YTHDC2: variants seen among roughly 807,000 people sequenced by gnomAD.
YTHDC2 encodes YTH N6-methyladenosine RNA binding protein C2.
In YTHDC2, 45 loss-of-function variants were observed where a neutral mutation model predicts 174.9. The ratio of observed to expected loss-of-function variants is 0.26; its 90% CI spans 0.20 to 0.33. YTHDC2 has a LOEUF of 0.33. Ranked by LOEUF, YTHDC2 falls within the 10% of genes least tolerant of loss-of-function variation. The pLI is 1.00. For synonymous variants in YTHDC2, 657 were observed against 574.5 expected, an observed-to-expected ratio of 1.14 and a Z score of -2.05; for missense variants, 1,650 against 1,723.7, an observed-to-expected ratio of 0.96 and a Z score of 0.76.
chr5:113,587,759 A>C (rs1399943343), intron 26 of YTHDC2, among the ~76,000 whole-genome samples: 2 of 151,238 alleles, frequency 1.3e-5, no homozygotes, highest in South Asian at 2.1e-4. Flanking sequence ...TTGTACTTTC[A>C]TATAAACTTT....
At chr5:113,581,391 G>C in intron 24 of YTHDC2, 26 bp from the exon 25 acceptor site, 2 of 1,540,272 alleles carry the variant, frequency 1.3e-6, no homozygotes, top group Non-Finnish European at 1.7e-6. Flanking sequence ...ATATTCATTT[G>C]CTTGTATCTA....
chr5:113,578,829 G>T (rs1580633767), intron 23 of YTHDC2, among the ~76,000 whole-genome samples: 1 of 152,008 alleles, frequency 6.6e-6, no homozygotes, highest in African/African-American at 2.4e-5. Flanking sequence ...AAATATATTT[G>T]TGTTCTTCTA....
chr5:113,567,354 T>A, intron 22 of YTHDC2, 57 bp downstream of exon 22: 1 of 1,395,324 alleles, frequency 7.2e-7, no homozygotes, highest in Non-Finnish European at 9.5e-7. Flanking sequence ...GGTAGTTCAC[T>A]ATCAATGAAA....
At chr5:113,514,296 G>A (rs748055053) in intron 1 of YTHDC2, 26 of 711,312 alleles carry the variant, frequency 3.7e-5, no homozygotes, top group Middle Eastern at 4.5e-4. Flanking sequence ...GATCAATGGG[G>A]TTATGGGCAC....
intron 2 of YTHDC2, 145 bp from the exon 3 acceptor site, chr5:113,524,836 A>T (rs879011221): frequency 8.5e-6 from 5 of 586,342 alleles, no homozygotes; most frequent in Middle Eastern, 4.8e-4. Flanking sequence ...TCTTTACTGA[A>T]TTTTTTTGGA....
rs74819718 is a variant in YTHDC2 at position 113,536,711 on chromosome 5, T to A, written c.1102+913T>A. 6.6e-3 allele frequency among the ~76,000 whole-genome samples: 998 copies of A among 152,308 alleles called. 7 individuals are homozygous for A. The highest frequency in any genetic ancestry group is 0.022 in the African/African-American group (931 of 41,568). On this transcript the variant is annotated intron_variant, in intron 7 of 29. Coordinates refer to ENST00000161863, the MANE Select transcript of YTHDC2 (RefSeq NM_022828.5). ...ATGTAAGAACACAAATGTATGCAAA[T>A]ATATACGTATTTATAACATTTACAA... is the stretch of plus-strand genomic sequence containing the variant.
chr5:113,552,179 GATATA>G (rs1169297548), intron 12 of YTHDC2, among the ~76,000 whole-genome samples: 3 of 152,036 alleles, frequency 2.0e-5, no homozygotes, highest in Non-Finnish European at 2.9e-5. Context: ...GTTTTATTGA[GATATA>G]ATTAATATAC....
At chr5:113,538,636 T>C (rs965790073) in intron 7 of YTHDC2, among the ~76,000 whole-genome samples, 1 of 152,178 alleles carries the variant, frequency 6.6e-6, no homozygotes, top group Non-Finnish European at 1.5e-5. Context: ...GATACTTTCT[T>C]GATGTTGTCA....
chr5:113,551,210 A>T (rs1776231802), intron 12 of YTHDC2, among the ~76,000 whole-genome samples: 1 of 152,040 alleles, frequency 6.6e-6, no homozygotes, highest in Non-Finnish European at 1.5e-5. Context: ...TAGCACCCAG[A>T]ACTTGCAGTC....
intron 17 of YTHDC2, 57 bp from the exon 18 acceptor site, chr5:113,561,023 A>G: frequency 7.2e-7 from 1 of 1,390,712 alleles, no homozygotes; most frequent in Non-Finnish European, 9.8e-7. Context: ...TTGCGTTTAC[A>G]GTTTATTGTA....
intron 24 of YTHDC2, 173 bp downstream of exon 24, chr5:113,579,868 C>G: frequency 2.0e-6 from 2 of 985,172 alleles, no homozygotes; most frequent in South Asian, 9.4e-5. Flanking sequence ...GGGGTTTATT[C>G]CAACAGAGGA....
chr5:113,571,984 G>A (rs1425125987), intron 23 of YTHDC2, among the ~76,000 whole-genome samples: 2 of 152,036 alleles, frequency 1.3e-5, no homozygotes, highest in East Asian at 3.9e-4. Flanking sequence ...CTTCTGCTCT[G>A]ATATTAGTTA....
At chr5:113,534,923 A>G (rs1387014773) in intron 6 of YTHDC2, among the ~76,000 whole-genome samples, 1 of 152,218 alleles carries the variant, frequency 6.6e-6, no homozygotes, top group African/African-American at 2.4e-5. Flanking sequence ...AAAAAAAATT[A>G]GATTAAGTTT....
chr5:113,581,100 C>T (rs1234072054), intron 24 of YTHDC2, among the ~76,000 whole-genome samples: 2 of 152,280 alleles, frequency 1.3e-5, no homozygotes, highest in East Asian at 3.9e-4. Flanking sequence ...TCTACAGGCA[C>T]TAAAATAACA....
chr5:113,518,894 T>G (rs1773668942), intron 2 of YTHDC2, among the ~76,000 whole-genome samples: 1 of 152,150 alleles, frequency 6.6e-6, no homozygotes, highest in Non-Finnish European at 1.5e-5. Context: ...TTATTTTTAT[T>G]TTTTAGAGAC....
chr5:113,579,662 T>C lies in YTHDC2; in HGVS notation c.3321T>C (p.Leu1107=). The change falls in exon 24 of 30, where the codon CTT becomes CTC. Residue 1107 remains leucine, a synonymous_variant. Coordinates refer to ENST00000161863, the MANE Select transcript of YTHDC2 (RefSeq NM_022828.5). ...KTTANLAALK[L]DEWLHFTLEP... ...CAGCTAATTTGGCAGCCTTGAAACT[T>C]GATGAGTGGCTCCATTTCACACTGG... is the stretch of plus-strand genomic sequence containing the variant. The C allele has an allele frequency of 1.2e-6, 2 of 1,609,910 alleles. No individual in the cohort carries two copies. The highest frequency in any genetic ancestry group is 1.7e-6 in the Non-Finnish European group (2 of 1,177,742).
chr5:113,540,821 A>C (rs573744455), intron 8 of YTHDC2, 147 bp from the exon 9 acceptor site: 11 of 666,498 alleles, frequency 1.7e-5, no homozygotes, highest in African/African-American at 1.5e-4. Flanking sequence ...TTTTTATTGA[A>C]TATTCTTAAT....
chr5:113,539,071 T>G lies in YTHDC2; in HGVS notation c.1103-3T>G. The G allele has an allele frequency of 7.5e-7, 1 of 1,332,824 alleles. No homozygotes were observed. Among genetic ancestry groups the G allele is most frequent in the Middle Eastern group, 1.9e-4 (1 of 5,162 alleles). 82.6% of individuals were successfully genotyped at this position (1,332,824 alleles called of 1,614,324 possible). On this transcript the variant is annotated splice_region_variant and splice_polypyrimidine_tract_variant and intron_variant, in intron 7 of 29. Transcript: ENST00000161863. ...GAGTATTTAATTTTTTTTTATTATT[T>G]AGTACAGGGAAGACCATTTGAAGTA...
intron 12 of YTHDC2, among the ~76,000 whole-genome samples, chr5:113,550,498 T>A (rs1776180366): frequency 6.6e-6 from 1 of 152,124 alleles, no homozygotes; most frequent in African/African-American, 2.4e-5. Context: ...AAGTAAAGGC[T>A]GAATGAAGAT....
Sources: gnomAD v4.1 joint callset for allele counts (sites outside exome capture counted in the v4.1 genomes callset) on GRCh38, gnomAD v4.1.1 for gene constraint, MANE v1.5 for transcripts, NCBI Gene and HGNC (gene_info 2026-07-23, HGNC 2026-07-21) for gene names.